The following CCL1 variants were observed in gnomAD, a reference collection of about 807,000 sequenced individuals.
The protein encoded by CCL1 is C-C motif chemokine 1.
Under a neutral mutation model 7.5 loss-of-function variants are expected in CCL1, and 9 were observed. The ratio of observed to expected loss-of-function variants is 1.20; its 90% CI spans 0.72 to 2.09. The LOEUF (loss-of-function observed/expected upper bound fraction) is 2.09, where lower values mean the gene tolerates loss of function less well. Among genes scored for constraint, CCL1 ranks in the 30% most tolerant of loss-of-function variants. The probability of loss-of-function intolerance (pLI) is 0.00; values close to 1 mark genes in which losing one functional copy is unlikely to be tolerated. For synonymous variants in CCL1, 48 were observed against 44.7 expected, an observed-to-expected ratio of 1.07 and a Z score of -0.30; for missense variants, 110 against 113.7, an observed-to-expected ratio of 0.97 and a Z score of 0.15.
Position 34,361,893 on chromosome 17 carries a change from T to C in CCL1, c.80A>G (p.Gln27Arg), listed in dbSNP as rs1351973488. 7 of 1,599,626 alleles carry C rather than the reference T, an allele frequency of 4.4e-6. No homozygotes were observed. The Admixed American group carries it at 1.2e-4, about 27-fold the overall frequency. The change falls in exon 2 of 3, where the codon CAG (glutamine) becomes CGG (arginine). Residue 27 changes from glutamine (Q) to arginine (R), a missense_variant. Physicochemically the swap from Gln to Arg is conservative, Grantham distance 43 (BLOSUM62 1). Transcript: ENST00000225842. Reference protein sequence around the residue: ...WPEDVDSKSMQVPFSRCCFSF... With the variant: ...WPEDVDSKSMRVPFSRCCFSF... ...GAAGCAACATCTGGAGAAGGGTACC[T>C]GCACTAGAAGAGGAACACAGACGAT...
Position 34,360,478 on chromosome 17 carries a change from G to T in CCL1, c.*81C>A. 2 of 1,059,532 alleles carry T rather than the reference G, an allele frequency of 1.9e-6. No individual in the cohort carries two copies. The highest frequency in any genetic ancestry group is 3.0e-6 in the Non-Finnish European group (2 of 675,078). The allele number at this position is 1,059,532 out of a possible 1,614,324, so 65.6% of individuals were successfully genotyped here. On this transcript the variant is annotated 3_prime_UTR_variant, in exon 3 of 3. Coordinates refer to ENST00000225842, the MANE Select transcript of CCL1 (RefSeq NM_002981.2). ...TCTGTGACCTAGCAAAAGCAGGGCAGAAGGAATGGTGTAGGGCTGGTAGTT... is the reference window on the plus strand; with the variant it reads ...TCTGTGACCTAGCAAAAGCAGGGCATAAGGAATGGTGTAGGGCTGGTAGTT...
In CCL1 at chr17:34,360,674, A is replaced by T. The variant is rs1910483140; in HGVS notation, c.189-13T>A. 6.2e-7 allele frequency: 1 copy of T among 1,604,032 alleles called. No individual in the cohort carries two copies. Among genetic ancestry groups the T allele is most frequent in the Admixed American group, 1.7e-5 (1 of 59,966 alleles). Reference sequence around the variant, plus strand: ...CTTCAGCTTGAATCTGTGAACAGAGAATAAGAGAGAAGGCTGAGCCACCCA... The same window carrying T: ...CTTCAGCTTGAATCTGTGAACAGAGTATAAGAGAGAAGGCTGAGCCACCCA... On this transcript the variant is annotated splice_polypyrimidine_tract_variant and intron_variant, in intron 2 of 2. Coordinates refer to ENST00000225842, the MANE Select transcript of CCL1 (RefSeq NM_002981.2).
chr17:34,361,972 A>C (rs1597614905), intron 1 of CCL1, 76 bp from the exon 2 acceptor site: 1 of 1,006,408 alleles, frequency 9.9e-7, no homozygotes, highest in East Asian at 2.5e-5. Context: ...TAAAAAACAA[A>C]CAAAAAAACG....
rs780842865 is a variant in CCL1, at chr17:34,360,518, A to C, written c.*41T>G. ...GGCTGGTAGTTTCGGGGACAGGTGA[A>C]GCCATGTGGTTTCCAGAGCCCACAA... is the stretch of plus-strand genomic sequence containing the variant. On this transcript the variant is annotated 3_prime_UTR_variant, in exon 3 of 3. Coordinates refer to ENST00000225842, the MANE Select transcript of CCL1 (RefSeq NM_002981.2). The C allele has an allele frequency of 6.9e-7, 1 of 1,450,678 alleles. No individual in the cohort carries two copies. 89.9% of individuals were successfully genotyped at this position (1,450,678 alleles called of 1,614,324 possible).
chr17:34,361,063 G>A (rs760330014), intron 2 of CCL1, among the ~76,000 whole-genome samples: 9 of 151,954 alleles, frequency 5.9e-5, no homozygotes, highest in South Asian at 2.1e-4. Flanking sequence ...GTGTGTGCGC[G>A]CGCCTTGTGT....
In CCL1 at chr17:34,362,634, C is replaced by A. The variant is rs184137362; in HGVS notation, c.76+452G>T. 3.9e-5 allele frequency among the ~76,000 whole-genome samples: 6 copies of A among 152,282 alleles called. No individual in the cohort carries two copies. In the South Asian group the frequency reaches 8.3e-4, roughly 21 times the overall value. ...GTATTCTCCAAACAGTCTTGGAGGG[C>A]AGACATCATCAACTCCATTTCACTG... is the stretch of plus-strand genomic sequence containing the variant. On this transcript the variant is annotated intron_variant, in intron 1 of 2. Coordinates refer to ENST00000225842, the MANE Select transcript of CCL1 (RefSeq NM_002981.2).
At position 34,363,107 on chromosome 17, in the gene CCL1, C is replaced by T. The variant is rs2141951902; in HGVS notation, c.55G>A (p.Glu19Lys). 6.2e-7 allele frequency: 1 copy of T among 1,613,310 alleles called. No individual in the cohort carries two copies. Among genetic ancestry groups the T allele is most frequent in the East Asian group, 2.2e-5 (1 of 44,874 alleles). Residue 19 changes from glutamate to lysine, a missense_variant, in exon 1 of 3, where the codon GAA (glutamate) becomes AAA (lysine). Physicochemically the swap from Glu to Lys is moderately conservative, Grantham distance 56. Transcript: ENST00000225842. ...VCLLLAGMWPEDVDSKSMQVP... is the reference protein window; with the variant it reads ...VCLLLAGMWPKDVDSKSMQVP... ...TCACTGCTCTTGCTGTCCACATCTT[C>T]CGGCCACATCCCAGCTAGCAGCAAG...
chr17:34,361,400 A>C (rs1405508675), intron 2 of CCL1, among the ~76,000 whole-genome samples: 1 of 152,232 alleles, frequency 6.6e-6, no homozygotes, highest in East Asian at 1.9e-4. Flanking sequence ...AGTACAAAGG[A>C]GTTACCTGTC....
At chr17:34,361,043 TTG>T (rs138529852) in intron 2 of CCL1, among the ~76,000 whole-genome samples, 9 of 151,094 alleles carry the variant, frequency 6.0e-5, no homozygotes, top group South Asian at 2.1e-4. Flanking sequence ...ACTCATGTGT[TTG>T]TGTGTGTGTG....
At position 34,360,486 on chromosome 17, in the gene CCL1, G is replaced by A; in HGVS notation, c.*73C>T. On this transcript the variant is annotated 3_prime_UTR_variant, in exon 3 of 3. Transcript: ENST00000225842. ...CTAGCAAAAGCAGGGCAGAAGGAAT[G>A]GTGTAGGGCTGGTAGTTTCGGGGAC... 1.8e-6 allele frequency: 2 copies of A among 1,111,954 alleles called. No individual in the cohort carries two copies. Among genetic ancestry groups the A allele is most frequent in the Non-Finnish European group, 2.8e-6 (2 of 722,218 alleles). 68.9% of individuals were successfully genotyped at this position (1,111,954 alleles called of 1,614,324 possible).
chr17:34,360,671 G>A lies in CCL1; in HGVS notation c.189-10C>T. On this transcript the variant is annotated splice_polypyrimidine_tract_variant and intron_variant, in intron 2 of 2. Coordinates refer to ENST00000225842, the MANE Select transcript of CCL1 (RefSeq NM_002981.2). ...TCTCTTCAGCTTGAATCTGTGAACAGAGAATAAGAGAGAAGGCTGAGCCAC... is the reference window on the plus strand; with the variant it reads ...TCTCTTCAGCTTGAATCTGTGAACAAAGAATAAGAGAGAAGGCTGAGCCAC... The A allele has an allele frequency of 6.2e-7, 1 of 1,603,850 alleles. No individual in the cohort carries two copies. Among genetic ancestry groups the A allele is most frequent in the Non-Finnish European group, 8.5e-7 (1 of 1,172,584 alleles).
Position 34,363,181 on chromosome 17 carries a change from G to A in CCL1, c.-20C>T. 1 of 1,612,952 alleles carries A rather than the reference G, an allele frequency of 6.2e-7. No homozygotes were observed. Among genetic ancestry groups the A allele is most frequent in the South Asian group, 1.1e-5 (1 of 91,052 alleles). On this transcript the variant is annotated 5_prime_UTR_variant, in exon 1 of 3. Transcript: ENST00000225842. ...CTGCATGTCTTCTGGTCTGGCTTGG[G>A]CCTTCCTGGAGCAGCTTTGATGAGC...
At chr17:34,361,705 G>T in intron 2 of CCL1, 80 bp downstream of exon 2, 2 of 945,846 alleles carry the variant, frequency 2.1e-6, no homozygotes, top group Non-Finnish European at 3.4e-6. Flanking sequence ...GTAAAATACT[G>T]TCATCTAGTG....
In CCL1 at chr17:34,363,147, G is replaced by A. The variant is rs755171206; in HGVS notation, c.15C>T (p.Thr5=). MQII[T]TALVCLLLAG... is the part of the protein sequence containing the mutation. The stretch of plus-strand genomic sequence containing the variant: ...CTAGCAGCAAGCACACCAGGGCTGT[G>A]GTGATGATCTGCATGTCTTCTGGTC... The change falls in exon 1 of 3, where the codon ACC becomes ACT. Residue 5 remains threonine, a synonymous_variant. Transcript: ENST00000225842. The A allele has an allele frequency of 6.8e-6, 11 of 1,613,670 alleles. 1 individual carries two copies. The highest frequency in any genetic ancestry group is 4.5e-5 in the East Asian group (2 of 44,888).
chr17:34,363,084 A>G lies in CCL1; in HGVS notation c.76+2T>C. 2 of 1,612,124 alleles carry G rather than the reference A, an allele frequency of 1.2e-6. No individual in the cohort carries two copies. Among genetic ancestry groups the G allele is most frequent in the South Asian group, 1.1e-5 (1 of 91,060 alleles). ...AAGCAAAATGATGCCTGCCACACTC[A>G]CTGCTCTTGCTGTCCACATCTTCCG... On this transcript the variant is annotated splice_donor_variant, in intron 1 of 2. Coordinates refer to ENST00000225842, the MANE Select transcript of CCL1 (RefSeq NM_002981.2). LOFTEE classifies it high-confidence loss of function.
intron 2 of CCL1, among the ~76,000 whole-genome samples, chr17:34,360,939 GA>G (rs1265187738): frequency 6.6e-6 from 1 of 152,102 alleles, no homozygotes; most frequent in East Asian, 1.9e-4. Context: ...ACATTCTGAC[GA>G]TTAGGTGAGA....
chr17:34,361,715 G>T (rs1910510962), intron 2 of CCL1, 70 bp downstream of exon 2: 1 of 1,026,750 alleles, frequency 9.7e-7, no homozygotes, highest in Non-Finnish European at 1.5e-6. Context: ...GTCATCTAGT[G>T]TCTACTCTTG....
At chr17:34,362,111 C>A (rs764421371) in intron 1 of CCL1, among the ~76,000 whole-genome samples, 2 of 152,196 alleles carry the variant, frequency 1.3e-5, no homozygotes, top group Non-Finnish European at 2.9e-5. Context: ...GAGCTCCCCG[C>A]ACCCCAGCTG....
intron 1 of CCL1, among the ~76,000 whole-genome samples, chr17:34,362,446 C>G (rs1597615054): frequency 6.6e-6 from 1 of 152,120 alleles, no homozygotes; most frequent in Admixed American, 6.5e-5. Context: ...CTTGAATCCC[C>G]TCCTGCCCTG....
Sources: gnomAD v4.1 joint callset for allele counts (sites outside exome capture counted in the v4.1 genomes callset) on GRCh38, gnomAD v4.1.1 for gene constraint, MANE v1.5 for transcripts, NCBI Gene and HGNC (gene_info 2026-07-23, HGNC 2026-07-21) for gene names.